The following TICRR variants were observed in gnomAD, a reference collection of about 807,000 sequenced individuals.
TICRR encodes the protein TOPBP1 interacting checkpoint and replication regulator, also known as treslin.
A neutral mutation model predicts 178.1 loss-of-function variants in TICRR; 132 were observed. The ratio of observed to expected loss-of-function variants is 0.74; its 90% CI spans 0.64 to 0.86. The LOEUF (loss-of-function observed/expected upper bound fraction) is 0.86. Ranked by LOEUF, TICRR falls within the 40% of genes least tolerant of loss-of-function variation. The pLI, the probability that TICRR is intolerant of heterozygous loss-of-function variation, is 0.00. For synonymous variants in TICRR, 991 were observed against 900.7 expected, an observed-to-expected ratio of 1.10 and a Z score of -1.79; for missense variants, 2,587 against 2,334.3, an observed-to-expected ratio of 1.11 and a Z score of -2.23.
rs369317488 is a variant in TICRR, at chr15:89,625,250, G to A, written c.4940G>A (p.Cys1647Tyr). 6.2e-6 allele frequency: 10 copies of A among 1,613,124 alleles called. No individual in the cohort carries two copies. The African/African-American group carries it at 1.1e-4, about 17-fold the overall frequency. The stretch of plus-strand genomic sequence containing the variant: ...GGGCAAACCTACATCTGCCAGGCCT[G>A]TACCCCCACCCACGGCCCTTCTAGT... ...SRGQTYICQA[C>Y]TPTHGPSSTP... Residue 1647 changes from cysteine to tyrosine, a missense_variant, in exon 20 of 22, where the codon TGT becomes TAT. By Grantham distance (194) the Cys-to-Tyr change is radical. Coordinates refer to ENST00000268138, the MANE Select transcript of TICRR (RefSeq NM_152259.4).
intron 5 of TICRR, 77 bp from the exon 6 acceptor site, chr15:89,594,338 G>C (rs979794702): frequency 1.5e-5 from 19 of 1,286,254 alleles, no homozygotes; most frequent in Admixed American, 4.6e-5. Flanking sequence ...AGAGGATAGT[G>C]GGTATTTTGG....
intron 4 of TICRR, among the ~76,000 whole-genome samples, chr15:89,588,090 G>A (rs1304740180): frequency 3.6e-4 from 55 of 152,174 alleles, no homozygotes; most frequent in Non-Finnish European, 2.9e-5. Flanking sequence ...ATGCCAAGGT[G>A]AGTGATGTTG....
chr15:89,626,038 C>A lies in TICRR; in HGVS notation c.5579C>A (p.Ser1860Tyr), dbSNP rs1478956423. 8 of 1,613,854 alleles carry A rather than the reference C, an allele frequency of 5.0e-6. No homozygotes were observed. The highest frequency in any genetic ancestry group is 6.8e-6 in the Non-Finnish European group (8 of 1,179,922). The part of the protein sequence containing the change: ...SPLLFQGKTP[S>Y]SQSKDPRDED... Reference sequence around the variant, plus strand: ...CTGCTGTTCCAGGGGAAAACACCTTCCTCTCAGAGCAAAGACCCCAGAGGT... The same window carrying A: ...CTGCTGTTCCAGGGGAAAACACCTTACTCTCAGAGCAAAGACCCCAGAGGT... The change falls in exon 21 of 22, where the codon TCC (serine) becomes TAC (tyrosine). Residue 1860 changes from serine to tyrosine, a missense_variant. Coordinates refer to ENST00000268138, the MANE Select transcript of TICRR (RefSeq NM_152259.4).
At chr15:89,621,366 A>G in intron 18 of TICRR, 27 bp from the exon 19 acceptor site, 1 of 1,585,784 alleles carries the variant, frequency 6.3e-7, no homozygotes, top group Non-Finnish European at 8.5e-7. Flanking sequence ...GAAAGAATTA[A>G]ATATTGTTGC....
intron 4 of TICRR, among the ~76,000 whole-genome samples, chr15:89,590,189 G>C (rs781234564): frequency 2.8e-4 from 43 of 152,116 alleles, no homozygotes; most frequent in Non-Finnish European, 5.1e-4. Flanking sequence ...GAGAAGAAAA[G>C]GAGAAGAATA....
intron 15 of TICRR, among the ~76,000 whole-genome samples, chr15:89,611,843 C>T (rs1027455207): frequency 1.9e-4 from 29 of 151,954 alleles, no homozygotes; most frequent in South Asian, 4.1e-4. Context: ...TATTGATATT[C>T]TCATTTTGTT....
intron 1 of TICRR, among the ~76,000 whole-genome samples, chr15:89,579,537 G>A (rs1249273874): frequency 6.6e-6 from 1 of 152,004 alleles, no homozygotes; most frequent in African/African-American, 2.4e-5. Context: ...GTAGAGACAG[G>A]GTTTCACCAT....
chr15:89,619,221 CTT>C (rs386383750), intron 17 of TICRR, among the ~76,000 whole-genome samples: 77 of 111,988 alleles, frequency 6.9e-4, no homozygotes, highest in African/African-American at 2.4e-3. Flanking sequence ...CACCATTCTT[CTT>C]TTTTTTTTTT....
rs566185131 is a variant in TICRR at position 89,604,000 on chromosome 15, G to A, written c.2664+1108G>A. Among the ~76,000 whole-genome samples the A allele has an allele frequency of 6.5e-4, 99 of 151,968 alleles. 3 individuals carry two copies. In the South Asian group the frequency reaches 0.02, roughly 31 times the overall value. Reference sequence around the variant, plus strand: ...GGGGTACTATTGTTGTTTTTTTCATGGCAGTTGATATAAGGACTTGAGGTT... The same window carrying A: ...GGGGTACTATTGTTGTTTTTTTCATAGCAGTTGATATAAGGACTTGAGGTT... On this transcript the variant is annotated intron_variant, in intron 13 of 21. Coordinates refer to ENST00000268138, the MANE Select transcript of TICRR (RefSeq NM_152259.4).
At chr15:89,600,871 C>T (rs766900880) in intron 9 of TICRR, among the ~76,000 whole-genome samples, 186 bp downstream of exon 9, 3 of 151,840 alleles carry the variant, frequency 2.0e-5, no homozygotes, top group Non-Finnish European at 2.9e-5. Context: ...ATAGTGAGAC[C>T]GTGTCTACCA....
rs1157185650 is a variant in TICRR, at chr15:89,625,078, A to G, written c.4768A>G (p.Ser1590Gly). 6.8e-6 allele frequency: 11 copies of G among 1,613,864 alleles called. No homozygotes were observed. In the Admixed American group the frequency reaches 1.7e-4, roughly 24 times the overall value. Residue 1590 changes from serine to glycine, a missense_variant, in exon 20 of 22, where the codon AGC becomes GGC. Coordinates refer to ENST00000268138, the MANE Select transcript of TICRR (RefSeq NM_152259.4). ...PSSSLEAEPL[S>G]KEESSLGEES... ...CTCTTCATTAGAGGCTGAGCCCCTC[A>G]GCAAGGAGGAGAGCTCTCTGGGAGA...
intron 8 of TICRR, 37 bp downstream of exon 8, chr15:89,599,512 T>C (rs1963058020): frequency 6.3e-7 from 1 of 1,589,526 alleles, no homozygotes. Flanking sequence ...GTCATGGATG[T>C]AGTGGTTGGT....
rs544026476 is a variant in TICRR at position 89,584,953 on chromosome 15, G to A, written c.1176+426G>A. Among the ~76,000 whole-genome samples, 5 of 152,332 alleles carry A rather than the reference G, an allele frequency of 3.3e-5. No individual in the cohort carries two copies. The East Asian group carries it at 9.6e-4, about 29-fold the overall frequency. On this transcript the variant is annotated intron_variant, in intron 3 of 21. Transcript: ENST00000268138. ...TATATACAATGTAATATAATTGTCT[G>A]TGTAACTCAGCAGTTGGACAGTAGT...
chr15:89,601,956 C>G lies in TICRR; in HGVS notation c.2547C>G (p.Thr849=). ...PESDELQELR[T]RSAKKRRKNA... is the part of the protein sequence containing the mutation. Reference sequence around the variant, plus strand: ...CTGATGAACTGCAGGAACTTCGTACCAGATCAGCCAAGAAGAGAAGGTAAG... The same window carrying G: ...CTGATGAACTGCAGGAACTTCGTACGAGATCAGCCAAGAAGAGAAGGTAAG... The change falls in exon 12 of 22, where the codon ACC becomes ACG. Residue 849 remains threonine, a synonymous_variant. Coordinates refer to ENST00000268138, the MANE Select transcript of TICRR (RefSeq NM_152259.4). 1 of 1,614,114 alleles carries G rather than the reference C, an allele frequency of 6.2e-7. No homozygotes were observed. The highest frequency in any genetic ancestry group is 1.1e-5 in the South Asian group (1 of 91,070).
chr15:89,609,153 C>T (rs1289907375), intron 15 of TICRR, among the ~76,000 whole-genome samples: 1 of 107,692 alleles, frequency 9.3e-6, no homozygotes, highest in Non-Finnish European at 1.7e-5. Context: ...CTCTATCACC[C>T]AGGTTGGAGT....
At chr15:89,602,374 GCCAAT>G (rs538394010) in intron 12 of TICRR, among the ~76,000 whole-genome samples, 231 of 152,230 alleles carry the variant, frequency 1.5e-3, no homozygotes, top group African/African-American at 5.1e-3. Flanking sequence ...GATCTGTAAT[GCCAAT>G]ATCAAGTGTC....
At chr15:89,612,220 C>A (rs1204410079) in intron 15 of TICRR, among the ~76,000 whole-genome samples, 1 of 152,012 alleles carries the variant, frequency 6.6e-6, no homozygotes, top group Non-Finnish European at 1.5e-5. Context: ...TGTGTGTGGT[C>A]ACTGAAGTTT....
rs1162180408 is a variant in TICRR, at chr15:89,576,181, G to A, written c.595G>A (p.Glu199Lys). ...MEKLLPKRVR[E>K]VMVARKITFY... ...GAAGTTGTTGCCCAAGAGAGTCCGG[G>A]AAGTCATGGTCGCCCGAAAAATCAC... Residue 199 changes from glutamate (E) to lysine (K), a missense_variant, in exon 1 of 22, where the codon GAA becomes AAA. Coordinates refer to ENST00000268138, the MANE Select transcript of TICRR (RefSeq NM_152259.4). 2 of 1,601,086 alleles carry A rather than the reference G, an allele frequency of 1.2e-6. No individual in the cohort carries two copies. Among genetic ancestry groups the A allele is most frequent in the African/African-American group, 1.3e-5 (1 of 75,044 alleles).
intron 13 of TICRR, among the ~76,000 whole-genome samples, chr15:89,605,649 C>T (rs1963164356): frequency 2.0e-5 from 3 of 152,170 alleles, no homozygotes; most frequent in Admixed American, 6.5e-5. Context: ...TGAGCCTCTG[C>T]GCCCAGCCGG....
Sources: allele counts gnomAD v4.1 joint callset (sites outside exome capture counted in the v4.1 genomes callset), GRCh38; gene constraint gnomAD v4.1.1; transcripts MANE v1.5; gene names NCBI Gene and HGNC (gene_info 2026-07-23, HGNC 2026-07-21).